GCNT2: variants seen among roughly 807,000 people sequenced by gnomAD.
GCNT2 encodes N-acetyllactosaminide beta-1,6-N-acetylglucosaminyl-transferase.
A neutral mutation model predicts 34.2 loss-of-function variants in GCNT2; 34 were observed. The ratio of observed to expected loss-of-function variants is 1.00; its 90% CI spans 0.76 to 1.32. The LOEUF (loss-of-function observed/expected upper bound fraction) is 1.32, where lower values mean the gene tolerates loss of function less well. Ranked by LOEUF, GCNT2 falls within the 40% of genes most tolerant of loss-of-function variation. The pLI is 0.00. For missense variants in GCNT2, 584 were observed against 489.4 expected (o/e 1.19, Z -1.82); for synonymous variants, 212 against 188.0 (o/e 1.13, Z -1.04).
In GCNT2 at chr6:10,574,136, A is replaced by G. The variant is rs12198597; in HGVS notation, c.925+44300A>G. 2.6e-3 allele frequency among the ~76,000 whole-genome samples: 391 copies of G among 152,328 alleles called. 1 individual carries two copies. Among genetic ancestry groups the G allele is most frequent in the Non-Finnish European group, 4.6e-3 (310 of 68,020 alleles). ...GTTCTTAATGTCTCCATTCTGTAGA[A>G]GAAGAAAGGAAACGGGGGCACGCAG... On this transcript the variant is annotated intron_variant, in intron 3 of 4. Coordinates refer to ENST00000495262, the MANE Select transcript of GCNT2 (RefSeq NM_145649.5).
At chr6:10,534,922 G>A (rs766685501) in intron 3 of GCNT2, among the ~76,000 whole-genome samples, 3 of 152,158 alleles carry the variant, frequency 2.0e-5, no homozygotes, top group Admixed American at 6.5e-5. Flanking sequence ...AGTGGCTCAC[G>A]CCTGTAATCC....
chr6:10,530,741 A>G (rs1761447275), intron 3 of GCNT2, among the ~76,000 whole-genome samples: 1 of 151,956 alleles, frequency 6.6e-6, no homozygotes, highest in Non-Finnish European at 1.5e-5. Flanking sequence ...ACAAACAAAC[A>G]AAAAAACCTT....
At chr6:10,556,147 G>A in intron 3 of GCNT2, 4 of 1,335,250 alleles carry the variant, frequency 3.0e-6, no homozygotes, top group East Asian at 3.3e-5. Flanking sequence ...ATGCAAACGG[G>A]GAGGCAGAGG....
intron 3 of GCNT2, chr6:10,557,418 T>C (rs1045008323): frequency 1.2e-5 from 13 of 1,101,502 alleles, no homozygotes; most frequent in Non-Finnish European, 1.8e-5. Context: ...AGCCACTTTT[T>C]ATTAGGAAGT....
At chr6:10,540,412 A>C (rs1037744243) in intron 3 of GCNT2, among the ~76,000 whole-genome samples, 2 of 152,192 alleles carry the variant, frequency 1.3e-5, no homozygotes, top group African/African-American at 4.8e-5. Context: ...TTGAAAAGTC[A>C]CGGCCTCAGC....
Position 10,580,327 on chromosome 6 carries a change from C to T in GCNT2, c.926-41024C>T, listed in dbSNP as rs1310304346. Among the ~76,000 whole-genome samples the T allele has an allele frequency of 3.9e-5, 6 of 152,224 alleles. 1 individual carries two copies. Among genetic ancestry groups the T allele is most frequent in the Middle Eastern group, 3.2e-3 (1 of 316 alleles). On this transcript the variant is annotated intron_variant, in intron 3 of 4. Coordinates refer to ENST00000495262, the MANE Select transcript of GCNT2 (RefSeq NM_145649.5). ...TTCCCAGCAGCCCCCACCCAATCCT[C>T]CTCAATGTCTGCTGCCCTCTGTGAA...
At chr6:10,522,935 C>A (rs913072561) in intron 1 of GCNT2, among the ~76,000 whole-genome samples, 1 of 152,150 alleles carries the variant, frequency 6.6e-6, no homozygotes, top group Non-Finnish European at 1.5e-5. Context: ...AGACTTAAAA[C>A]GAATGAGGTT....
intron 4 of GCNT2, among the ~76,000 whole-genome samples, chr6:10,625,370 T>C (rs558811538): frequency 6.6e-6 from 1 of 152,326 alleles, no homozygotes; most frequent in Admixed American, 6.5e-5. Context: ...CCCTTCAGTC[T>C]GTGAAGTCAG....
chr6:10,589,916 T>A (rs571449541), intron 3 of GCNT2, among the ~76,000 whole-genome samples: 2 of 152,220 alleles, frequency 1.3e-5, no homozygotes, highest in Admixed American at 6.5e-5. Flanking sequence ...TGCAGACATT[T>A]AAGAAGCTCT....
chr6:10,583,273 A>G (rs530438849), intron 3 of GCNT2, among the ~76,000 whole-genome samples: 3 of 152,220 alleles, frequency 2.0e-5, no homozygotes, highest in East Asian at 3.9e-4. Context: ...TAGGAAGTTA[A>G]GGGGTGGAGT....
chr6:10,536,765 G>A (rs553295691), intron 3 of GCNT2, among the ~76,000 whole-genome samples: 11 of 147,168 alleles, frequency 7.5e-5, no homozygotes, highest in South Asian at 2.2e-4. Context: ...GTACAGTGGC[G>A]CAATCTCGGC....
intron 3 of GCNT2, among the ~76,000 whole-genome samples, chr6:10,564,358 C>T (rs1353062295): frequency 6.6e-6 from 1 of 152,212 alleles, no homozygotes; most frequent in Non-Finnish European, 1.5e-5. Context: ...CTTTGCAAGT[C>T]TCTGAATTTG....
chr6:10,541,689 A>G (rs757872033), intron 3 of GCNT2, among the ~76,000 whole-genome samples: 9 of 152,164 alleles, frequency 5.9e-5, no homozygotes, highest in Non-Finnish European at 8.8e-5. Flanking sequence ...TGAATTCCCT[A>G]TGTAATTGCA....
At chr6:10,596,599 G>A (rs1294128703) in intron 3 of GCNT2, among the ~76,000 whole-genome samples, 1 of 152,064 alleles carries the variant, frequency 6.6e-6, no homozygotes, top group Non-Finnish European at 1.5e-5. Context: ...ACTAAGAGTA[G>A]AAGATTGGTT....
At chr6:10,594,977 C>T (rs1331745171) in intron 3 of GCNT2, among the ~76,000 whole-genome samples, 1 of 152,022 alleles carries the variant, frequency 6.6e-6, no homozygotes, top group Non-Finnish European at 1.5e-5. Flanking sequence ...TCCCCAGTAG[C>T]TAGAACTATA....
chr6:10,561,929 T>C (rs1485883405), intron 3 of GCNT2, among the ~76,000 whole-genome samples: 1 of 152,216 alleles, frequency 6.6e-6, no homozygotes, highest in Non-Finnish European at 1.5e-5. Flanking sequence ...TACTTTGATT[T>C]ATTTTGCTTT....
intron 3 of GCNT2, among the ~76,000 whole-genome samples, chr6:10,577,648 C>T (rs138782921): frequency 4.1e-4 from 62 of 152,256 alleles, no homozygotes; most frequent in African/African-American, 1.5e-3. Context: ...TCAAGTGATT[C>T]TCCTACCACA....
At chr6:10,530,441 T>C (rs1271620674) in intron 3 of GCNT2, among the ~76,000 whole-genome samples, 2 of 152,220 alleles carry the variant, frequency 1.3e-5, no homozygotes, top group Non-Finnish European at 2.9e-5. Flanking sequence ...ATATGTATTA[T>C]AAATAAAATT....
At chr6:10,562,678 CAAAA>C (rs970544728) in intron 3 of GCNT2, among the ~76,000 whole-genome samples, 24 of 105,072 alleles carry the variant, frequency 2.3e-4, no homozygotes, top group South Asian at 1.3e-3. Flanking sequence ...AAAAAAAAAA[CAAAA>C]AAAAACCCAC....
Sources: allele counts gnomAD v4.1 joint callset (sites outside exome capture counted in the v4.1 genomes callset), GRCh38; gene constraint gnomAD v4.1.1; transcripts MANE v1.5; gene names NCBI Gene and HGNC (gene_info 2026-07-23, HGNC 2026-07-21).